The following KLHL38 variants were observed in gnomAD, a reference collection of about 807,000 sequenced individuals.
KLHL38 encodes kelch-like protein 38.
A neutral mutation model predicts 39.6 loss-of-function variants in KLHL38; 38 were observed. That is an observed-to-expected ratio of 0.96 (90% CI 0.74 to 1.26). KLHL38 has a LOEUF of 1.26. Ranked by LOEUF, KLHL38 falls within the 50% of genes most tolerant of loss-of-function variation. The pLI is 0.00. For missense variants in KLHL38, 803 were observed against 748.1 expected, an observed-to-expected ratio of 1.07 and a Z score of -0.86; for synonymous variants, 322 against 302.2, an observed-to-expected ratio of 1.07 and a Z score of -0.68.
rs1563594033 is a variant in KLHL38, at chr8:123,652,472, T to A, written c.455A>T (p.Lys152Met). 6.2e-7 allele frequency: 1 copy of A among 1,614,176 alleles called. No homozygotes were observed. Among genetic ancestry groups the A allele is most frequent in the South Asian group, 1.1e-5 (1 of 91,082 alleles). The part of the protein sequence containing the change: ...LSEILSCETL[K>M]KKAREVALTS... ...CAGTGCCACCTCCCTGGCTTTCTTC[T>A]TGAGGGTCTCGCAGCTTAAGATTTC... Residue 152 changes from lysine to methionine, a missense_variant, in exon 2 of 4, where the codon AAG becomes ATG. Physicochemically the swap from Lys to Met is moderately conservative, Grantham distance 95 (BLOSUM62 -1). Transcript: ENST00000684634.
In KLHL38 at chr8:123,652,895, A is replaced by G. The variant is rs1350570074; in HGVS notation, c.32T>C (p.Phe11Ser). 3 of 1,600,528 alleles carry G rather than the reference A, an allele frequency of 1.9e-6. No individual in the cohort carries two copies. Among genetic ancestry groups the G allele is most frequent in the Non-Finnish European group, 2.5e-6 (3 of 1,179,574 alleles). The change falls in exon 2 of 4, where the codon TTC becomes TCC. Residue 11 changes from phenylalanine (F) to serine (S), a missense_variant. By Grantham distance (155) the Phe-to-Ser change is radical. Transcript: ENST00000684634. ...GTCAGAAGAGAAGTCGTGGTCTTTG[A>G]AGAGCAGCCCATCTAGTGACTCCTC... Reference protein sequence around the residue: MDEESLDGLLFKDHDFSSDLL... With the variant: MDEESLDGLLSKDHDFSSDLL...
At chr8:123,651,054 G>T (rs1159771000) in intron 2 of KLHL38, among the ~76,000 whole-genome samples, 1 of 152,152 alleles carries the variant, frequency 6.6e-6, no homozygotes, top group African/African-American at 2.4e-5. Context: ...GATGGTATTT[G>T]ATATCCTTTG....
chr8:123,651,735 T>C lies in KLHL38; in HGVS notation c.1192A>G (p.Met398Val), dbSNP rs752979833. 1.9e-6 allele frequency: 3 copies of C among 1,614,188 alleles called. No individual in the cohort carries two copies. The Admixed American group carries it at 5.0e-5, about 27-fold the overall frequency. Residue 398 changes from methionine to valine, a missense_variant, in exon 2 of 4, where the codon ATG (methionine) becomes GTG (valine). Transcript: ENST00000684634. Reference sequence around the variant, plus strand: ...CTGTCATACCTTTCCATGGAGCCCATGAGCTCCTGCCCTTCTCCAATCCCC... The same window carrying C: ...CTGTCATACCTTTCCATGGAGCCCACGAGCTCCTGCCCTTCTCCAATCCCC... ...IGGIGEGQEL[M>V]GSMERYDSIC...
In KLHL38 at chr8:123,652,375, G is replaced by A. The variant is rs116917652; in HGVS notation, c.552C>T (p.Leu184=). 21 of 1,613,942 alleles carry A rather than the reference G, an allele frequency of 1.3e-5. No homozygotes were observed. Among genetic ancestry groups the A allele is most frequent in the East Asian group, 6.7e-5 (3 of 44,868 alleles). ...CCTCCCCACAGAGCCCATCATCTCCGAGATAGTCCCTCAACTCCAAGGCAC... is the reference window on the plus strand; with the variant it reads ...CCTCCCCACAGAGCCCATCATCTCCAAGATAGTCCCTCAACTCCAAGGCAC... ...ELCALELRDY[L]GDDGLCGEEE... The change falls in exon 2 of 4, where the codon CTC becomes CTT. Residue 184 remains leucine, a synonymous_variant. Coordinates refer to ENST00000684634, the MANE Select transcript of KLHL38 (RefSeq NM_001081675.3).
chr8:123,652,787 C>T lies in KLHL38; in HGVS notation c.140G>A (p.Cys47Tyr), dbSNP rs1563594350. The change falls in exon 2 of 4, where the codon TGC (cysteine) becomes TAC (tyrosine). Residue 47 changes from cysteine to tyrosine, a missense_variant. Coordinates refer to ENST00000684634, the MANE Select transcript of KLHL38 (RefSeq NM_001081675.3). ...GCTGGAGGCCAGCACGTTGCGGTGG[C>T]AGGGGATCTCCCGGGCACCGGCACA... is the stretch of plus-strand genomic sequence containing the variant. Reference protein sequence around the residue: ...SICAGAREIPCHRNVLASSSP... With the variant: ...SICAGAREIPYHRNVLASSSP... 2 of 1,614,080 alleles carry T rather than the reference C, an allele frequency of 1.2e-6. No individual in the cohort carries two copies. Among genetic ancestry groups the T allele is most frequent in the Non-Finnish European group, 1.7e-6 (2 of 1,180,020 alleles).
Position 123,653,661 on chromosome 8 carries a change from A to G in KLHL38, c.-77T>C, listed in dbSNP as rs1812696960. Among the ~76,000 whole-genome samples, 1 of 152,182 alleles carries G rather than the reference A, an allele frequency of 6.6e-6. No homozygotes were observed. Among genetic ancestry groups the G allele is most frequent in the African/African-American group, 2.4e-5 (1 of 41,456 alleles). ...CGGAGAGTTTCTACCTCTAGCTCCA[A>G]GGGAAACCATAAACCCCAGGCCTTT... On this transcript the variant is annotated 5_prime_UTR_variant, in exon 1 of 4. Coordinates refer to ENST00000684634, the MANE Select transcript of KLHL38 (RefSeq NM_001081675.3).
chr8:123,644,581 C>A lies in KLHL38; in HGVS notation c.*1158G>T, dbSNP rs546972219. On this transcript the variant is annotated 3_prime_UTR_variant, in exon 4 of 4. Transcript: ENST00000684634. ...AAAAACAAGGTCAGGGCCAATTTCT[C>A]ACGCTGCCACCTGGACCAAGCAGTT... Among the ~76,000 whole-genome samples, 1 of 152,352 alleles carries A rather than the reference C, an allele frequency of 6.6e-6. No homozygotes were observed. The highest frequency in any genetic ancestry group is 2.1e-4 in the South Asian group (1 of 4,832).
intron 2 of KLHL38, among the ~76,000 whole-genome samples, chr8:123,650,967 T>C (rs745313486): frequency 2.4e-4 from 36 of 152,322 alleles, no homozygotes; most frequent in Non-Finnish European, 4.6e-4. Context: ...CTATCTGACT[T>C]TCAATATGCT....
intron 2 of KLHL38, 144 bp downstream of exon 2, chr8:123,651,433 T>C (rs1353398630): frequency 1.1e-5 from 9 of 848,692 alleles, no homozygotes; most frequent in African/African-American, 3.4e-5. Context: ...TGTGTTTGTG[T>C]ATATGTGTGC....
At position 123,646,898 on chromosome 8, in the gene KLHL38, T is replaced by C. The variant is rs781612487; in HGVS notation, c.1456+11A>G. On this transcript the variant is annotated intron_variant, in intron 3 of 3. Transcript: ENST00000684634. ...TTGTGTCACGCCCAGTGATCCTCTG[T>C]TCAGACTCACCTCCCACAATGACAA... is the stretch of plus-strand genomic sequence containing the variant. 1.3e-6 allele frequency: 2 copies of C among 1,595,108 alleles called. No homozygotes were observed. The highest frequency in any genetic ancestry group is 1.7e-6 in the Non-Finnish European group (2 of 1,164,006).
rs767740871 is a variant in KLHL38, at chr8:123,652,776, C to T, written c.151G>A (p.Val51Met). 3.3e-5 allele frequency: 54 copies of T among 1,614,152 alleles called. No homozygotes were observed. Among genetic ancestry groups the T allele is most frequent in the Middle Eastern group, 3.3e-4 (2 of 6,062 alleles). ...GAREIPCHRN[V>M]LASSSPYFRA... ...AAGTAGGGGCTGCTGGAGGCCAGCA[C>T]GTTGCGGTGGCAGGGGATCTCCCGG... The change falls in exon 2 of 4, where the codon GTG becomes ATG. Residue 51 changes from valine (V) to methionine (M), a missense_variant. Transcript: ENST00000684634.
In KLHL38 at chr8:123,652,931, C is replaced by A. The variant is rs777021903; in HGVS notation, c.-1-4G>T. ...ATCTAGTGACTCCTCGTCCATCCTA[C>A]AAAGAGGGAAGGAAGCCCCCAGAGT... On this transcript the variant is annotated splice_region_variant and splice_polypyrimidine_tract_variant and intron_variant, in intron 1 of 3. Coordinates refer to ENST00000684634, the MANE Select transcript of KLHL38 (RefSeq NM_001081675.3). 3.8e-6 allele frequency: 6 copies of A among 1,581,686 alleles called. No homozygotes were observed. The highest frequency in any genetic ancestry group is 5.1e-6 in the Non-Finnish European group (6 of 1,169,372).
intron 2 of KLHL38, among the ~76,000 whole-genome samples, chr8:123,650,156 G>A (rs1218596761): frequency 6.7e-6 from 1 of 150,208 alleles, no homozygotes; most frequent in Non-Finnish European, 1.5e-5. Flanking sequence ...AACTTCACAG[G>A]GTTTGCTCCA....
intron 2 of KLHL38, among the ~76,000 whole-genome samples, chr8:123,648,382 G>A (rs1408102550): frequency 1.3e-5 from 2 of 152,144 alleles, no homozygotes; most frequent in African/African-American, 2.4e-5. Context: ...TGGAGACCTC[G>A]TGAGGTCTCT....
Position 123,645,778 on chromosome 8 carries a change from G to C in KLHL38, c.1707C>G (p.Leu569=). The C allele has an allele frequency of 6.2e-7, 1 of 1,614,014 alleles. No homozygotes were observed. Among genetic ancestry groups the C allele is most frequent in the Non-Finnish European group, 8.5e-7 (1 of 1,180,008 alleles). ...ACGTGCGGGGTATGCACTGGAGAGT[G>C]AGGCAGGCATGGTCAAAGAGCTTGT... is the stretch of plus-strand genomic sequence containing the variant. ...LPHKLFDHAC[L]TLQCIPRTSG... Residue 569 remains leucine, a synonymous_variant, in exon 4 of 4, where the codon CTC becomes CTG. Coordinates refer to ENST00000684634, the MANE Select transcript of KLHL38 (RefSeq NM_001081675.3).
chr8:123,652,569 A>T lies in KLHL38; in HGVS notation c.358T>A (p.Phe120Ile). ...AASMLQFPKL[F>I]EACSSYLQSQ... is the part of the protein sequence containing the mutation. Reference sequence around the variant, plus strand: ...TGCAAGTACGAGGAGCAGGCCTCAAACAGCTTGGGGAACTGTAGCATGGAG... The same window carrying T: ...TGCAAGTACGAGGAGCAGGCCTCAATCAGCTTGGGGAACTGTAGCATGGAG... Residue 120 changes from phenylalanine to isoleucine, a missense_variant, in exon 2 of 4, where the codon TTT becomes ATT. Physicochemically the swap from Phe to Ile is conservative, Grantham distance 21. Coordinates refer to ENST00000684634, the MANE Select transcript of KLHL38 (RefSeq NM_001081675.3). The T allele has an allele frequency of 6.2e-7, 1 of 1,614,192 alleles. No homozygotes were observed. Among genetic ancestry groups the T allele is most frequent in the Non-Finnish European group, 8.5e-7 (1 of 1,180,024 alleles).
Position 123,652,163 on chromosome 8 carries a change from G to A in KLHL38, c.764C>T (p.Ala255Val), listed in dbSNP as rs911187287. The A allele has an allele frequency of 2.5e-6, 4 of 1,614,108 alleles. No individual in the cohort carries two copies. The African/African-American group carries it at 4.0e-5, about 16-fold the overall frequency. The part of the protein sequence containing the change: ...SPACQIILET[A>V]KRQMFSLCGT... The stretch of plus-strand genomic sequence containing the variant: ...ACACAAAGAGAACATCTGTCTCTTG[G>A]CGGTCTCCAAGATGATCTGGCATGC... The change falls in exon 2 of 4, where the codon GCC becomes GTC. Residue 255 changes from alanine (A) to valine (V), a missense_variant. Coordinates refer to ENST00000684634, the MANE Select transcript of KLHL38 (RefSeq NM_001081675.3).
chr8:123,648,076 T>G (rs564231449), intron 2 of KLHL38, among the ~76,000 whole-genome samples: 1 of 152,264 alleles, frequency 6.6e-6, no homozygotes, highest in Admixed American at 6.5e-5. Context: ...GCGAAACTCC[T>G]TCTCAAAAAA....
Position 123,652,235 on chromosome 8 carries a change from A to G in KLHL38, c.692T>C (p.Phe231Ser), listed in dbSNP as rs1322790970. The G allele has an allele frequency of 1.9e-6, 3 of 1,614,000 alleles. No individual in the cohort carries two copies. Among genetic ancestry groups the G allele is most frequent in the African/African-American group, 1.3e-5 (1 of 74,912 alleles). The change falls in exon 2 of 4, where the codon TTC becomes TCC. Residue 231 changes from phenylalanine to serine, a missense_variant. Coordinates refer to ENST00000684634, the MANE Select transcript of KLHL38 (RefSeq NM_001081675.3). ...ATCGTTGGCGATGAAGTGGTGAAAG[A>G]AGGCTGGGTGGATGTACTGCAGCCT... ...QVRLQYIHPA[F>S]FHHFIANDAL...
Sources: gnomAD v4.1 joint callset for allele counts (sites outside exome capture counted in the v4.1 genomes callset) on GRCh38, gnomAD v4.1.1 for gene constraint, MANE v1.5 for transcripts, NCBI Gene and HGNC (gene_info 2026-07-23, HGNC 2026-07-21) for gene names.